PHACTR1: variants seen among roughly 807,000 people sequenced by gnomAD.
PHACTR1 encodes the protein phosphatase and actin regulator 1, also known as RPEL repeat containing 1.
In PHACTR1, 16 loss-of-function variants were observed where a neutral mutation model predicts 69.2. That is an observed-to-expected ratio of 0.23 (90% CI 0.16 to 0.35). The LOEUF (loss-of-function observed/expected upper bound fraction) is 0.35, where lower values mean the gene tolerates loss of function less well. PHACTR1 is among the 10% of genes least tolerant of loss of function. The probability of loss-of-function intolerance (pLI) is 1.00; values close to 1 mark genes in which losing one functional copy is unlikely to be tolerated. For missense variants in PHACTR1, 510 were observed against 734.7 expected (o/e 0.69, Z 3.54); for synonymous variants, 312 against 284.5 (o/e 1.10, Z -0.97).
At chr6:12,773,937 A>G (rs1030518840) in intron 4 of PHACTR1, among the ~76,000 whole-genome samples, 6 of 152,166 alleles carry the variant, frequency 3.9e-5, no homozygotes, top group African/African-American at 1.4e-4. Flanking sequence ...TACTGCCCAG[A>G]AAGTATATTC....
chr6:13,041,339 TACACACACACACACACACAC>T (rs368368056), intron 4 of PHACTR1, among the ~76,000 whole-genome samples: 1 of 135,366 alleles, frequency 7.4e-6, no homozygotes, highest in Non-Finnish European at 1.6e-5. Flanking sequence ...TTAAAATACA[TACACACACACACACACACAC>T]ACACACACAC....
chr6:12,921,669 G>T (rs1193909914), intron 4 of PHACTR1, among the ~76,000 whole-genome samples: 1 of 133,092 alleles, frequency 7.5e-6, no homozygotes, highest in Non-Finnish European at 1.6e-5. Flanking sequence ...GAGGGAGGAG[G>T]GAAAGGAAGA....
chr6:13,270,924 G>C lies in PHACTR1; in HGVS notation c.1392-1936G>C, dbSNP rs58142738. On this transcript the variant is annotated intron_variant, in intron 10 of 14. Transcript: ENST00000332995. ...AGGAAACTTCCAATCATGGAGGAAG[G>C]TGAAGGAGAAGAAGGCACATCACAT... 4.6e-3 allele frequency among the ~76,000 whole-genome samples: 703 copies of C among 152,210 alleles called. 7 individuals carry two copies. The highest frequency in any genetic ancestry group is 0.016 in the African/African-American group (679 of 41,522).
chr6:13,250,306 A>T (rs1033622385), intron 10 of PHACTR1, among the ~76,000 whole-genome samples: 1 of 152,236 alleles, frequency 6.6e-6, no homozygotes, highest in African/African-American at 2.4e-5. Context: ...AACTAAATTC[A>T]TCCTCACACA....
chr6:13,049,957 A>T (rs1805667397), intron 4 of PHACTR1, among the ~76,000 whole-genome samples: 1 of 152,202 alleles, frequency 6.6e-6, no homozygotes, highest in African/African-American at 2.4e-5. Context: ...TAAAATGTGG[A>T]CAAAAGCAAC....
At chr6:12,827,154 T>C (rs756366476) in intron 4 of PHACTR1, among the ~76,000 whole-genome samples, 32 of 152,220 alleles carry the variant, frequency 2.1e-4, no homozygotes, top group South Asian at 6.2e-4. Context: ...TCCCGGAGTT[T>C]TCTCGAAAGG....
At chr6:12,808,978 A>G (rs1774701327) in intron 4 of PHACTR1, among the ~76,000 whole-genome samples, 1 of 152,040 alleles carries the variant, frequency 6.6e-6, no homozygotes, top group Admixed American at 6.5e-5. Flanking sequence ...CCCGGGCTCA[A>G]GTGATCCTCC....
chr6:13,086,292 A>G (rs990201296), intron 5 of PHACTR1, among the ~76,000 whole-genome samples: 2 of 152,138 alleles, frequency 1.3e-5, no homozygotes, highest in African/African-American at 2.4e-5. Context: ...CCAGTGTGCA[A>G]TTAAATCAGT....
intron 5 of PHACTR1, among the ~76,000 whole-genome samples, chr6:13,101,904 G>T (rs939149923): frequency 6.6e-6 from 1 of 152,160 alleles, no homozygotes; most frequent in Admixed American, 6.5e-5. Flanking sequence ...AGGGAGCCTC[G>T]TGGGTAAAGC....
At chr6:13,027,677 T>C (rs1312931583) in intron 4 of PHACTR1, among the ~76,000 whole-genome samples, 1 of 86,284 alleles carries the variant, frequency 1.2e-5, no homozygotes, top group African/African-American at 2.9e-5. Flanking sequence ...AACAATAATA[T>C]GTGGAATTTT....
At chr6:12,875,374 C>T (rs1402168661) in intron 4 of PHACTR1, among the ~76,000 whole-genome samples, 1 of 152,228 alleles carries the variant, frequency 6.6e-6, no homozygotes, top group African/African-American at 2.4e-5. Context: ...TTAAACTCGT[C>T]ACCTCGATAT....
chr6:13,259,452 C>G (rs1260299060), intron 10 of PHACTR1, among the ~76,000 whole-genome samples: 1 of 152,192 alleles, frequency 6.6e-6, no homozygotes, highest in African/African-American at 2.4e-5. Context: ...CAGGCCATTG[C>G]ACTGGGGTCA....
intron 10 of PHACTR1, among the ~76,000 whole-genome samples, chr6:13,253,998 C>G (rs985060420): frequency 6.6e-6 from 1 of 152,178 alleles, no homozygotes; most frequent in Non-Finnish European, 1.5e-5. Flanking sequence ...GAGGCCAAGG[C>G]AGGCAGATTG....
At chr6:12,722,587 C>CA (rs1762261207) in intron 3 of PHACTR1, among the ~76,000 whole-genome samples, 1 of 152,158 alleles carries the variant, frequency 6.6e-6, no homozygotes, top group Non-Finnish European at 1.5e-5. Context: ...GGCAATTTAT[C>CA]ATGAGAAAAA....
At chr6:12,936,047 T>TA (rs71659897) in intron 4 of PHACTR1, among the ~76,000 whole-genome samples, 4,232 of 143,322 alleles carry the variant, frequency 0.03, 51 homozygotes, top group Admixed American at 0.045. Flanking sequence ...TGAGTGTCAT[T>TA]AAAAAAAAAA....
chr6:13,016,277 G>T (rs1362961740), intron 4 of PHACTR1, among the ~76,000 whole-genome samples: 1 of 152,208 alleles, frequency 6.6e-6, no homozygotes, highest in Admixed American at 6.5e-5. Context: ...GCTCTATAGA[G>T]GAAGGTGCTT....
In PHACTR1 at chr6:13,217,088, A is replaced by G. The variant is rs369269991; in HGVS notation, c.987-10728A>G. Among the ~76,000 whole-genome samples, 26 of 152,336 alleles carry G rather than the reference A, an allele frequency of 1.7e-4. No homozygotes were observed. In the East Asian group the frequency reaches 3.7e-3, roughly 21 times the overall value. ...CAGATCAAAAATATTAAAACACTAA[A>G]GGAAATATTTTAATAAATTAGTGGG... On this transcript the variant is annotated intron_variant, in intron 8 of 14. Transcript: ENST00000332995.
chr6:13,211,005 A>T (rs1008055518), intron 8 of PHACTR1, among the ~76,000 whole-genome samples: 1 of 147,334 alleles, frequency 6.8e-6, no homozygotes, highest in Non-Finnish European at 1.5e-5. Context: ...TTGTACTTAA[A>T]TCTTTGCTAG....
At chr6:13,135,908 G>C (rs1229802473) in intron 5 of PHACTR1, among the ~76,000 whole-genome samples, 1 of 148,408 alleles carries the variant, frequency 6.7e-6, no homozygotes, top group African/African-American at 2.5e-5. Context: ...ATTTGAAATA[G>C]AAAAAAAAAG....
Sources: gnomAD v4.1 joint callset for allele counts (sites outside exome capture counted in the v4.1 genomes callset) on GRCh38, gnomAD v4.1.1 for gene constraint, MANE v1.5 for transcripts, NCBI Gene and HGNC (gene_info 2026-07-23, HGNC 2026-07-21) for gene names.